CPM: variants seen among roughly 807,000 people sequenced by gnomAD.
The protein encoded by CPM is carboxypeptidase M.
In CPM, 35 loss-of-function variants were observed where a neutral mutation model predicts 46.4. That is an observed-to-expected ratio of 0.75 (90% confidence interval 0.58 to 1.00). The LOEUF (loss-of-function observed/expected upper bound fraction) is 1.00. CPM is among the 50% of genes least tolerant of loss of function. The pLI is 0.00. For missense variants in CPM, 422 were observed against 530.4 expected (o/e 0.80, Z 2.01); for synonymous variants, 195 against 195.3 (o/e 1.00, Z 0.01).
Position 68,856,296 on chromosome 12 carries a change from G to T in CPM, c.*141C>A. The T allele has an allele frequency of 1.1e-6, 1 of 951,680 alleles. No homozygotes were observed. Among genetic ancestry groups the T allele is most frequent in the Non-Finnish European group, 1.6e-6 (1 of 634,770 alleles). The allele number at this position is 951,680 out of a possible 1,614,324, so 59.0% of individuals were successfully genotyped here. A position where few individuals can be genotyped will look rare whatever the true frequency, so the allele number is the denominator to read the frequency against. ...CACATATTGCTTATTGTGGAATTTG[G>T]AAACATCCATTTCTCTTCTTCAGGA... On this transcript the variant is annotated 3_prime_UTR_variant, in exon 9 of 9. Coordinates refer to ENST00000551568, the MANE Select transcript of CPM (RefSeq NM_198320.5).
At chr12:68,869,817 T>A (rs145355027) in intron 5 of CPM, among the ~76,000 whole-genome samples, 451 of 152,242 alleles carry the variant, frequency 3.0e-3, no homozygotes, top group African/African-American at 0.01. Context: ...TACTGTAATA[T>A]TTTGGGTCCT....
At chr12:68,889,741 G>C (rs1402783207) in intron 2 of CPM, among the ~76,000 whole-genome samples, 1 of 151,996 alleles carries the variant, frequency 6.6e-6, no homozygotes, top group Non-Finnish European at 1.5e-5. Context: ...TTCTCCCCGG[G>C]GCCTGAAAGC....
intron 8 of CPM, among the ~76,000 whole-genome samples, chr12:68,858,195 G>A (rs1885057308): frequency 6.6e-6 from 1 of 152,180 alleles, no homozygotes; most frequent in Non-Finnish European, 1.5e-5. Flanking sequence ...TAGAATGACT[G>A]CTATGGTTGG....
At chr12:68,885,743 A>C in intron 3 of CPM, 49 bp downstream of exon 3, 2 of 1,434,196 alleles carry the variant, frequency 1.4e-6, no homozygotes, top group Non-Finnish European at 2.0e-6. Flanking sequence ...AAGAGACCCT[A>C]GGGGAAGCTT....
chr12:68,939,377 A>AG (rs1470123715), intron 1 of CPM, among the ~76,000 whole-genome samples: 4 of 148,552 alleles, frequency 2.7e-5, no homozygotes, highest in Non-Finnish European at 5.9e-5. Context: ...ATATGTAAAT[A>AG]TACATCCTAT....
At chr12:68,866,446 T>C (rs1885448952) in intron 7 of CPM, among the ~76,000 whole-genome samples, 1 of 152,080 alleles carries the variant, frequency 6.6e-6, no homozygotes, top group South Asian at 2.1e-4. Context: ...CGGGTTCAAG[T>C]GATTCTCCTG....
At chr12:68,901,985 A>G (rs1011438762) in intron 2 of CPM, among the ~76,000 whole-genome samples, 10 of 151,358 alleles carry the variant, frequency 6.6e-5, no homozygotes, top group Non-Finnish European at 1.0e-4. Context: ...GAGGAGCTCT[A>G]CTTTACTTAA....
At position 68,945,639 on chromosome 12, in the gene CPM, G is replaced by C. The variant is rs61926310; in HGVS notation, c.-3-12799C>G. On this transcript the variant is annotated intron_variant, in intron 1 of 8. Coordinates refer to the CPM transcript ENST00000546373. ...AAACGTTAGTATTCTTATCCACATCGTTAGTATAGCACTTAAGAGAACAGT... is the reference window on the plus strand; with the variant it reads ...AAACGTTAGTATTCTTATCCACATCCTTAGTATAGCACTTAAGAGAACAGT... Among the ~76,000 whole-genome samples the C allele has an allele frequency of 2.4e-4, 37 of 152,064 alleles. 1 individual carries two copies. The East Asian group carries it at 6.6e-3, about 27-fold the overall frequency.
rs544644667 is a variant in CPM, at chr12:68,962,057, G to A, written c.-4+1112C>T. Among the ~76,000 whole-genome samples the A allele has an allele frequency of 5.3e-5, 8 of 152,010 alleles. No homozygotes were observed. The East Asian group carries it at 7.8e-4, about 15-fold the overall frequency. On this transcript the variant is annotated intron_variant, in intron 1 of 8. Coordinates refer to the CPM transcript ENST00000546373. ...CCACTGAAAATACAAAAAATTAGCC[G>A]GGCACGGTGGTGGGCGCCTGTAGTC...
At chr12:68,953,041 C>T (rs1888959637) in intron 1 of CPM, among the ~76,000 whole-genome samples, 1 of 152,152 alleles carries the variant, frequency 6.6e-6, no homozygotes, top group African/African-American at 2.4e-5. Flanking sequence ...CACTGTTTCC[C>T]AAGAAGGTAA....
At position 68,852,732 on chromosome 12, in the gene CPM, A is replaced by AT. The variant is rs143310129; in HGVS notation, c.*3704dup. Reference sequence around the variant, plus strand: ...GCCACCACGCCCGGCTAATTTTTGTATTTTTTTTTAGTAGAGATGGGGTTT... The same window carrying AT: ...GCCACCACGCCCGGCTAATTTTTGTATTTTTTTTTTAGTAGAGATGGGGTTT... On this transcript the variant is annotated 3_prime_UTR_variant, in exon 9 of 9. Transcript: ENST00000551568. The AT allele has an allele frequency of 6.9e-3, 1,032 of 148,648 alleles. 9 individuals carry two copies. The highest frequency in any genetic ancestry group is 0.027 in the Middle Eastern group (8 of 294). The allele number at this position is 148,648 out of a possible 1,614,324, so 9.2% of individuals were successfully genotyped here.
chr12:68,868,394 A>T (rs966314855), intron 6 of CPM, among the ~76,000 whole-genome samples: 1 of 152,166 alleles, frequency 6.6e-6, no homozygotes, highest in African/African-American at 2.4e-5. Context: ...CTGTGCATCC[A>T]AAGTGACAAT....
chr12:68,857,918 A>C (rs537395088), intron 8 of CPM, among the ~76,000 whole-genome samples: 2 of 152,364 alleles, frequency 1.3e-5, no homozygotes, highest in East Asian at 3.9e-4. Context: ...GGGCCTTTTT[A>C]GACAAAGATT....
chr12:68,874,284 G>T (rs1381968786), intron 3 of CPM, among the ~76,000 whole-genome samples: 4 of 152,116 alleles, frequency 2.6e-5, no homozygotes, highest in Admixed American at 6.6e-5. Context: ...AAGCCAGTGG[G>T]GAGGAGCTGG....
In CPM at chr12:68,851,465, G is replaced by C. The variant is rs1158432054; in HGVS notation, c.*4972C>G. On this transcript the variant is annotated 3_prime_UTR_variant, in exon 9 of 9. Coordinates refer to ENST00000551568, the MANE Select transcript of CPM (RefSeq NM_198320.5). ...TCTCTACTACAAATACAAAAAATTA[G>C]CCGGGCGTGGAGACAGGCACCGGTA... 1 of 152,130 alleles carries C rather than the reference G, an allele frequency of 6.6e-6. No individual in the cohort carries two copies. The allele number at this position is 152,130 out of a possible 1,614,324, so 9.4% of individuals were successfully genotyped here.
chr12:68,950,025 C>G (rs1023281101), intron 1 of CPM, among the ~76,000 whole-genome samples: 1 of 152,070 alleles, frequency 6.6e-6, no homozygotes, highest in Admixed American at 6.5e-5. Context: ...TCCTCTGAGG[C>G]CAGAGGATGC....
chr12:68,843,387 T>C, intron 5 of CPM: 1 of 231,214 alleles, frequency 4.3e-6, no homozygotes, highest in Non-Finnish European at 8.6e-6. Context: ...ATGGGTGTGC[T>C]AATTACACTG....
At position 68,942,689 on chromosome 12, in the gene CPM, A is replaced by G. The variant is rs1222819176; in HGVS notation, c.-3-9849T>C. On this transcript the variant is annotated intron_variant, in intron 1 of 8. Coordinates refer to the CPM transcript ENST00000546373. ...CATTCTACAAGAGCCAAAAATCTCC[A>G]CTAAAGAATTTCACATGTTCAAAGA... 3.3e-5 allele frequency among the ~76,000 whole-genome samples: 5 copies of G among 152,210 alleles called. No individual in the cohort carries two copies. The East Asian group carries it at 7.7e-4, about 23-fold the overall frequency.
chr12:68,920,000 T>G (rs1462555488), intron 2 of CPM, among the ~76,000 whole-genome samples: 2 of 152,224 alleles, frequency 1.3e-5, no homozygotes, highest in African/African-American at 2.4e-5. Flanking sequence ...CTCTCATGGC[T>G]TGGTGTTGTC....
Sources: gnomAD v4.1 joint callset for allele counts (sites outside exome capture counted in the v4.1 genomes callset) on GRCh38, gnomAD v4.1.1 for gene constraint, MANE v1.5 for transcripts, NCBI Gene and HGNC (gene_info 2026-07-23, HGNC 2026-07-21) for gene names.